The following SPTBN1 variants were observed in gnomAD, a reference collection of about 807,000 sequenced individuals.
SPTBN1 encodes spectrin beta chain, non-erythrocytic 1.
SPTBN1 carries 32 observed loss-of-function variants against 266.4 expected under a neutral mutation model. That is an observed-to-expected ratio of 0.12 (90% CI 0.09 to 0.16). The LOEUF (loss-of-function observed/expected upper bound fraction) is 0.16, where lower values mean the gene tolerates loss of function less well. Among genes scored for constraint, SPTBN1 ranks in the 10% least tolerant of loss-of-function variants. The probability of loss-of-function intolerance (pLI) is 1.00; values close to 1 mark genes in which losing one functional copy is unlikely to be tolerated. For synonymous variants in SPTBN1, 1,336 were observed against 1,162.2 expected, an observed-to-expected ratio of 1.15 and a Z score of -3.04; for missense variants, 2,296 against 3,067.1, an observed-to-expected ratio of 0.75 and a Z score of 5.94.
At chr2:54,492,335 GCAGT>G (rs1668727638) in intron 1 of SPTBN1, among the ~76,000 whole-genome samples, 1 of 129,926 alleles carries the variant, frequency 7.7e-6, no homozygotes. Flanking sequence ...TAGTTTGTCT[GCAGT>G]TGTTTTTTTG....
chr2:54,590,417 C>T (rs555349408), intron 2 of SPTBN1, among the ~76,000 whole-genome samples: 1 of 152,164 alleles, frequency 6.6e-6, no homozygotes, highest in East Asian at 1.9e-4. Context: ...ACTCATTGAA[C>T]AAATGTTTAT....
intron 18 of SPTBN1, among the ~76,000 whole-genome samples, chr2:54,638,111 A>G (rs531078123): frequency 5.3e-5 from 8 of 152,354 alleles, no homozygotes; most frequent in East Asian, 1.9e-4. Flanking sequence ...CTATAATTAC[A>G]TAAAACTAAG....
At chr2:54,602,118 G>A (rs1328709201) in intron 3 of SPTBN1, among the ~76,000 whole-genome samples, 1 of 152,172 alleles carries the variant, frequency 6.6e-6, no homozygotes, top group African/African-American at 2.4e-5. Context: ...GTCAGGATTA[G>A]ATTGATTAGA....
chr2:54,563,807 T>C (rs1673489455), intron 2 of SPTBN1, among the ~76,000 whole-genome samples: 2 of 152,082 alleles, frequency 1.3e-5, no homozygotes, highest in Non-Finnish European at 2.9e-5. Context: ...TTTCGCCATA[T>C]TGGCCAGGCT....
chr2:54,466,394 C>CCA (rs1693632751), intron 1 of SPTBN1, among the ~76,000 whole-genome samples: 1 of 25,926 alleles, frequency 3.9e-5, no homozygotes, highest in African/African-American at 6.7e-4. Flanking sequence ...AACCCCGTCT[C>CCA]TACTAAAAAT....
chr2:54,671,300 T>G lies in SPTBN1; in HGVS notation c.*2731T>G, dbSNP rs187697184. On this transcript the variant is annotated 3_prime_UTR_variant, in exon 36 of 36. Transcript: ENST00000356805. ...CTGGCATCTTGAGTAGGTGAAACAC[T>G]GTATCAGACTGGGTGATGGGCACAT... 7.2e-5 allele frequency: 11 copies of G among 152,478 alleles called. No homozygotes were observed. The highest frequency in any genetic ancestry group is 1.9e-4 in the African/African-American group (8 of 41,452). The allele number at this position is 152,478 out of a possible 1,614,324, so 9.4% of individuals were successfully genotyped here.
At chr2:54,545,824 C>G (rs1006836477) in intron 2 of SPTBN1, among the ~76,000 whole-genome samples, 1 of 152,030 alleles carries the variant, frequency 6.6e-6, no homozygotes, top group Admixed American at 6.5e-5. Flanking sequence ...TGTGTATATG[C>G]TCTTAGGGAG....
At chr2:54,515,558 G>T (rs949969714) in intron 1 of SPTBN1, among the ~76,000 whole-genome samples, 1 of 151,876 alleles carries the variant, frequency 6.6e-6, no homozygotes, top group African/African-American at 2.4e-5. Context: ...TTGTGACAGG[G>T]TCTTGCTCTG....
chr2:54,481,817 G>T (rs981982575), intron 1 of SPTBN1, among the ~76,000 whole-genome samples: 3 of 152,146 alleles, frequency 2.0e-5, no homozygotes, highest in African/African-American at 7.2e-5. Context: ...AGATTTGGAG[G>T]TGTGTTTTAT....
intron 2 of SPTBN1, among the ~76,000 whole-genome samples, chr2:54,581,663 CTG>C (rs1447926185): frequency 1.5e-5 from 2 of 131,702 alleles, no homozygotes; most frequent in Non-Finnish European, 3.1e-5. Flanking sequence ...TTTAAGAAAA[CTG>C]TCCCAAACCT....
intron 9 of SPTBN1, among the ~76,000 whole-genome samples, chr2:54,622,908 C>G (rs938389030): frequency 6.6e-6 from 1 of 152,182 alleles, no homozygotes; most frequent in South Asian, 2.1e-4. Context: ...TAAATATTCA[C>G]ATTGCATTAG....
intron 5 of SPTBN1, among the ~76,000 whole-genome samples, chr2:54,616,541 G>A (rs1677629074): frequency 6.6e-6 from 1 of 152,172 alleles, no homozygotes; most frequent in African/African-American, 2.4e-5. Flanking sequence ...AAGCTCCAGA[G>A]AGCATTATAT....
chr2:54,660,495 A>G (rs1017632964), intron 32 of SPTBN1: 5 of 987,428 alleles, frequency 5.1e-6, no homozygotes, highest in South Asian at 4.7e-5. Context: ...GTAGTTTACT[A>G]TTAACTAGGA....
chr2:54,641,210 C>G (rs2104014696), intron 18 of SPTBN1, among the ~76,000 whole-genome samples: 1 of 152,304 alleles, frequency 6.6e-6, no homozygotes, highest in South Asian at 2.1e-4. Context: ...TTTCATTGTG[C>G]TGTATCGCAT....
rs767434449 is a variant in SPTBN1 at position 54,629,591 on chromosome 2, C to T, written c.2457C>T (p.Asp819=). The T allele has an allele frequency of 1.5e-5, 24 of 1,613,938 alleles. No individual in the cohort carries two copies. Among genetic ancestry groups the T allele is most frequent in the Middle Eastern group, 3.3e-4 (2 of 6,084 alleles). The change falls in exon 14 of 36, where the codon GAC becomes GAT. Residue 819 remains aspartate (D), a synonymous_variant. Coordinates refer to ENST00000356805, the MANE Select transcript of SPTBN1 (RefSeq NM_003128.3). ...ALPQEHAESP[D]VRGRLSGIEE... is the part of the protein sequence containing the mutation. ...CCCAGGAGCATGCCGAGTCTCCAGA[C>T]GTGAGGGGCAGGCTGTCGGGCATCG... is the stretch of plus-strand genomic sequence containing the variant.
intron 24 of SPTBN1, among the ~76,000 whole-genome samples, chr2:54,647,794 G>A (rs1283009032): frequency 6.6e-6 from 1 of 152,182 alleles, no homozygotes; most frequent in Non-Finnish European, 1.5e-5. Context: ...AGTGAACCAT[G>A]TTCACACTGC....
chr2:54,520,762 C>T (rs1357082518), intron 1 of SPTBN1, among the ~76,000 whole-genome samples: 2 of 149,360 alleles, frequency 1.3e-5, no homozygotes, highest in Admixed American at 1.4e-4. Context: ...TTACCCTTGT[C>T]ACACGCAGGG....
intron 1 of SPTBN1, among the ~76,000 whole-genome samples, chr2:54,502,604 G>C (rs1669332393): frequency 6.6e-6 from 1 of 152,220 alleles, no homozygotes; most frequent in Non-Finnish European, 1.5e-5. Flanking sequence ...ATCAGGAAAG[G>C]TTAATGGACT....
chr2:54,621,561 T>C (rs1378086366), intron 8 of SPTBN1, 49 bp downstream of exon 8: 1 of 1,463,582 alleles, frequency 6.8e-7, no homozygotes, highest in Admixed American at 1.7e-5. Context: ...TAAGGTTAAT[T>C]GAGCCCTCAT....
Sources: allele counts gnomAD v4.1 joint callset (sites outside exome capture counted in the v4.1 genomes callset), GRCh38; gene constraint gnomAD v4.1.1; transcripts MANE v1.5; gene names NCBI Gene and HGNC (gene_info 2026-07-23, HGNC 2026-07-21).